RPSA2: variants seen among roughly 807,000 people sequenced by gnomAD.
RPSA2 encodes the protein small ribosomal subunit protein uS2B.
the RPSA2 span, among the ~76,000 whole-genome samples, chr19:23,843,843 T>A: frequency 6.6e-6 from 1 of 152,198 alleles, no homozygotes; most frequent in Admixed American, 6.5e-5. Flanking sequence ...TACCGCAATC[T>A]TTGCCTCCTG....
chr19:23,774,790 T>A, the RPSA2 span, among the ~76,000 whole-genome samples: 1 of 152,182 alleles, frequency 6.6e-6, no homozygotes, highest in East Asian at 1.9e-4. Flanking sequence ...CTACTGTCTG[T>A]GCCCTGATTT....
chr19:23,789,023 C>T, the RPSA2 span, among the ~76,000 whole-genome samples: 104,121 of 128,440 alleles, frequency 0.81, 42,705 homozygotes, highest in Admixed American at 0.87. Flanking sequence ...TTCTTTCTTT[C>T]TTTTTTTTTT....
At chr19:23,796,151 G>A in the RPSA2 span, among the ~76,000 whole-genome samples, 1 of 152,114 alleles carries the variant, frequency 6.6e-6, no homozygotes, top group East Asian at 1.9e-4. Flanking sequence ...TTAATGCCTA[G>A]GTTTTTGAGT....
At chr19:23,771,945 G>A in the RPSA2 span, among the ~76,000 whole-genome samples, 26 of 152,104 alleles carry the variant, frequency 1.7e-4, no homozygotes, top group Admixed American at 1.1e-3. Flanking sequence ...GGGCCCTGCC[G>A]GAAGGGAGGA....
At chr19:23,808,721 A>G in the RPSA2 span, 10 of 721,284 alleles carry the variant, frequency 1.4e-5, no homozygotes, top group East Asian at 4.1e-4. Flanking sequence ...TAAAACAGGT[A>G]TTACTGTCTC....
chr19:23,795,226 T>A, the RPSA2 span, among the ~76,000 whole-genome samples: 1 of 152,046 alleles, frequency 6.6e-6, no homozygotes, highest in African/African-American at 2.4e-5. Flanking sequence ...ATTTTGGTCA[T>A]CTGATTAGAA....
the RPSA2 span, chr19:23,833,024 A>G: frequency 1.0e-5 from 14 of 1,393,728 alleles, no homozygotes; most frequent in African/African-American, 1.0e-4. Context: ...TTTGCTAACC[A>G]TAAGAGAATT....
chr19:23,836,097 A>C, the RPSA2 span, among the ~76,000 whole-genome samples: 5 of 151,920 alleles, frequency 3.3e-5, no homozygotes, highest in African/African-American at 1.2e-4. Flanking sequence ...TGCACCCATC[A>C]CCCAAGCAGT....
At chr19:23,865,862 T>C in the RPSA2 span, among the ~76,000 whole-genome samples, 1 of 152,232 alleles carries the variant, frequency 6.6e-6, no homozygotes, top group Non-Finnish European at 1.5e-5. Context: ...GTGTGGTTAA[T>C]AATGGAGTGC....
chr19:23,868,951 A>G, the RPSA2 span, among the ~76,000 whole-genome samples: 1 of 152,168 alleles, frequency 6.6e-6, no homozygotes, highest in African/African-American at 2.4e-5. Context: ...GGGACACTCA[A>G]GAAAACCATG....
At chr19:23,807,317 T>C in the RPSA2 span, among the ~76,000 whole-genome samples, 1 of 152,200 alleles carries the variant, frequency 6.6e-6, no homozygotes, top group Non-Finnish European at 1.5e-5. Flanking sequence ...GCCAAAACAT[T>C]GGCATTACTG....
At chr19:23,778,769 T>C in the RPSA2 span, among the ~76,000 whole-genome samples, 1 of 152,114 alleles carries the variant, frequency 6.6e-6, no homozygotes, top group South Asian at 2.1e-4. Flanking sequence ...TAATGAGGAT[T>C]GTGACACATC....
chr19:23,761,906 T>TA, the RPSA2 span, among the ~76,000 whole-genome samples: 1 of 92,100 alleles, frequency 1.1e-5, no homozygotes, highest in African/African-American at 4.9e-5. Context: ...ACGTAATTCT[T>TA]TCTTTCTTTC....
chr19:23,868,236 A>G, the RPSA2 span, among the ~76,000 whole-genome samples: 2 of 152,228 alleles, frequency 1.3e-5, no homozygotes, highest in Non-Finnish European at 1.5e-5. Flanking sequence ...CCATTACATG[A>G]GAAGGATAAG....
chr19:23,797,031 C>T, the RPSA2 span, among the ~76,000 whole-genome samples: 2 of 125,980 alleles, frequency 1.6e-5, no homozygotes, highest in South Asian at 2.3e-4. Context: ...GCATTAAATG[C>T]TATAAATTTC....
the RPSA2 span, among the ~76,000 whole-genome samples, chr19:23,867,021 C>T: frequency 6.6e-6 from 1 of 152,246 alleles, no homozygotes; most frequent in South Asian, 2.1e-4. Flanking sequence ...TATTGCTTAT[C>T]CCCTGCAAAT....
chr19:23,851,220 GC>G, the RPSA2 span, among the ~76,000 whole-genome samples: 148,907 of 152,224 alleles, frequency 0.98, 72,921 homozygotes, highest in Middle Eastern at 1. Context: ...TAGGAGTTAG[GC>G]CCTCTGGGAT....
At chr19:23,867,534 G>T in the RPSA2 span, among the ~76,000 whole-genome samples, 4 of 6,292 alleles carry the variant, frequency 6.4e-4, no homozygotes, top group African/African-American at 6.8e-4. Context: ...TGGAAAGACA[G>T]ACAAAAAAGA....
At chr19:23,827,168 G>A in the RPSA2 span, 18 of 897,830 alleles carry the variant, frequency 2.0e-5, no homozygotes, top group East Asian at 1.0e-4. Context: ...CACAATGTCC[G>A]GAGCCCTTGA....
Sources: allele counts gnomAD v4.1 joint callset (sites outside exome capture counted in the v4.1 genomes callset), GRCh38; gene constraint gnomAD v4.1.1; transcripts MANE v1.5; gene names NCBI Gene and HGNC (gene_info 2026-07-23, HGNC 2026-07-21).